BCKDHB: variants seen among roughly 807,000 people sequenced by gnomAD.
BCKDHB encodes the protein 2-oxoisovalerate dehydrogenase subunit beta, mitochondrial.
A neutral mutation model predicts 48.5 loss-of-function variants in BCKDHB; 41 were observed. That is an observed-to-expected ratio of 0.85 (90% CI 0.66 to 1.10). The LOEUF (loss-of-function observed/expected upper bound fraction) is 1.10, where lower values mean the gene tolerates loss of function less well. BCKDHB is among the 50% of genes least tolerant of loss of function. BCKDHB has a pLI of 0.00. For synonymous variants in BCKDHB, 201 were observed against 174.8 expected (o/e 1.15, Z -1.18); for missense variants, 496 against 494.2 (o/e 1.00, Z -0.03).
intron 3 of BCKDHB, among the ~76,000 whole-genome samples, chr6:80,159,321 T>A (rs905173095): frequency 4.6e-5 from 7 of 152,084 alleles, no homozygotes; most frequent in Admixed American, 4.6e-4. Flanking sequence ...AAAAACTATC[T>A]TCTCAACTAG....
At chr6:80,168,791 AAGGG>A in intron 4 of BCKDHB, 80 bp from the exon 5 acceptor site, 2 of 1,077,254 alleles carry the variant, frequency 1.9e-6, no homozygotes, top group Non-Finnish European at 1.3e-6. Context: ...GGAAGGAAGG[AAGGG>A]AGGGAGGGAG....
chr6:80,353,852 C>A, the BCKDHB span, among the ~76,000 whole-genome samples: 1 of 146,924 alleles, frequency 6.8e-6, no homozygotes, highest in African/African-American at 2.6e-5. Context: ...GACTCCGTCT[C>A]AAAAAAAAAA....
chr6:80,183,855 G>A (rs139762711), intron 6 of BCKDHB, among the ~76,000 whole-genome samples: 1 of 152,124 alleles, frequency 6.6e-6, no homozygotes, highest in African/African-American at 2.4e-5. Flanking sequence ...AACCTTTTCA[G>A]ATTGGCTTCC....
chr6:80,406,222 T>A, the BCKDHB span, among the ~76,000 whole-genome samples: 1 of 152,236 alleles, frequency 6.6e-6, no homozygotes, highest in Non-Finnish European at 1.5e-5. Context: ...ATCCAGTCTA[T>A]CATTGATGGA....
At chr6:80,171,051 A>G (rs747931695) in intron 5 of BCKDHB, among the ~76,000 whole-genome samples, 10 of 152,094 alleles carry the variant, frequency 6.6e-5, no homozygotes, top group Non-Finnish European at 1.5e-4. Context: ...TAAGAGTAGT[A>G]TCTTAGTTAA....
At position 80,279,541 on chromosome 6, in the gene BCKDHB, C is replaced by T. The variant is rs1286534585; in HGVS notation, c.1038+6320C>T. ...TTTTCTTAAAACACACATCAAATTT[C>T]GTCCATTGTCTGTTTGAAAGCATCC... On this transcript the variant is annotated intron_variant, in intron 9 of 9. Coordinates refer to ENST00000320393, the MANE Select transcript of BCKDHB (RefSeq NM_183050.4). 4.6e-5 allele frequency among the ~76,000 whole-genome samples: 7 copies of T among 152,042 alleles called. No individual in the cohort carries two copies. The East Asian group carries it at 1.4e-3, about 29-fold the overall frequency.
At chr6:80,361,382 G>C in the BCKDHB span, among the ~76,000 whole-genome samples, 1 of 152,212 alleles carries the variant, frequency 6.6e-6, no homozygotes, top group Non-Finnish European at 1.5e-5. Context: ...GGAGGGCTGG[G>C]AAAAGATGGC....
chr6:80,424,146 C>T, the BCKDHB span, among the ~76,000 whole-genome samples: 1 of 152,174 alleles, frequency 6.6e-6, no homozygotes, highest in Non-Finnish European at 1.5e-5. Flanking sequence ...GACTGTCTTT[C>T]AGCCTTTGTT....
Position 80,267,966 on chromosome 6 carries a change from G to A in BCKDHB, c.952-5169G>A, listed in dbSNP as rs367914870. ...ACACTTTCCTACAATACTAAAATATGTGTAACCCCCTCACTAACATCTTTG... is the reference window on the plus strand; with the variant it reads ...ACACTTTCCTACAATACTAAAATATATGTAACCCCCTCACTAACATCTTTG... On this transcript the variant is annotated intron_variant, in intron 8 of 9. Coordinates refer to ENST00000320393, the MANE Select transcript of BCKDHB (RefSeq NM_183050.4). Among the ~76,000 whole-genome samples, 32 of 152,092 alleles carry A rather than the reference G, an allele frequency of 2.1e-4. 1 individual carries two copies. The highest frequency in any genetic ancestry group is 2.0e-3 in the Admixed American group (31 of 15,238).
intron 9 of BCKDHB, among the ~76,000 whole-genome samples, chr6:80,340,197 G>A (rs1272505686): frequency 1.3e-5 from 2 of 152,148 alleles, no homozygotes; most frequent in African/African-American, 2.4e-5. Flanking sequence ...GGAAGAAATA[G>A]CTACTTTTCT....
the BCKDHB span, among the ~76,000 whole-genome samples, chr6:80,433,551 G>T: frequency 6.6e-6 from 1 of 152,222 alleles, no homozygotes; most frequent in South Asian, 2.1e-4. Flanking sequence ...GACTGCTGCT[G>T]TGCTGGCAGT....
chr6:80,223,713 T>A (rs1775559202), intron 8 of BCKDHB, among the ~76,000 whole-genome samples: 1 of 152,164 alleles, frequency 6.6e-6, no homozygotes, highest in Non-Finnish European at 1.5e-5. Context: ...TTTTGAGGTG[T>A]GACAGATACG....
chr6:80,280,124 C>T (rs1365895539), intron 9 of BCKDHB, among the ~76,000 whole-genome samples: 1 of 152,136 alleles, frequency 6.6e-6, no homozygotes, highest in Non-Finnish European at 1.5e-5. Flanking sequence ...GAATTAGATC[C>T]TGAAGAATCT....
At chr6:80,128,123 A>C (rs1326472071) in intron 2 of BCKDHB, among the ~76,000 whole-genome samples, 2 of 151,852 alleles carry the variant, frequency 1.3e-5, no homozygotes, top group Non-Finnish European at 2.9e-5. Flanking sequence ...ATGTTTTCAA[A>C]TTTGATTGGC....
chr6:80,210,249 A>G (rs1774861713), intron 8 of BCKDHB, among the ~76,000 whole-genome samples: 1 of 148,798 alleles, frequency 6.7e-6, no homozygotes, highest in Admixed American at 6.7e-5. Flanking sequence ...AATAAGTATA[A>G]TATTGTTCAG....
At chr6:80,464,922 G>A in the BCKDHB span, among the ~76,000 whole-genome samples, 1 of 152,216 alleles carries the variant, frequency 6.6e-6, no homozygotes, top group African/African-American at 2.4e-5. Flanking sequence ...AGGGCAAAGA[G>A]CACCTACTGT....
intron 1 of BCKDHB, among the ~76,000 whole-genome samples, chr6:80,112,270 A>G (rs1036661823): frequency 2.6e-5 from 4 of 152,182 alleles, no homozygotes; most frequent in African/African-American, 4.8e-5. Flanking sequence ...GTTTGACCCA[A>G]TGGGTAATCC....
the BCKDHB span, chr6:80,441,060 G>T: frequency 6.6e-6 from 1 of 151,546 alleles, no homozygotes; most frequent in African/African-American, 2.4e-5. Context: ...AAATATTTAT[G>T]GCTCTGAAAC....
chr6:80,390,807 T>G, the BCKDHB span, among the ~76,000 whole-genome samples: 2 of 152,184 alleles, frequency 1.3e-5, no homozygotes, highest in African/African-American at 4.8e-5. Context: ...GATTAAAGGA[T>G]ACAAAGTATT....
Sources: allele counts gnomAD v4.1 joint callset (sites outside exome capture counted in the v4.1 genomes callset), GRCh38; gene constraint gnomAD v4.1.1; transcripts MANE v1.5; gene names NCBI Gene and HGNC (gene_info 2026-07-23, HGNC 2026-07-21).